The following NALF1 variants were observed in gnomAD, a reference collection of about 807,000 sequenced individuals.
The protein encoded by NALF1 is family with sequence similarity 155 member A.
NALF1 carries 3 observed loss-of-function variants against 48.4 expected under a neutral mutation model. That is an observed-to-expected ratio of 0.06 (90% confidence interval 0.03 to 0.16). The LOEUF (loss-of-function observed/expected upper bound fraction) is 0.16. Among genes scored for constraint, NALF1 ranks in the 10% least tolerant of loss-of-function variants. NALF1 has a pLI of 1.00. For synonymous variants in NALF1, 262 were observed against 245.7 expected (o/e 1.07, Z -0.62); for missense variants, 526 against 571.5 (o/e 0.92, Z 0.81).
intron 1 of NALF1, among the ~76,000 whole-genome samples, chr13:107,794,900 C>T (rs2138590627): frequency 6.6e-6 from 1 of 152,178 alleles, no homozygotes; most frequent in Non-Finnish European, 1.5e-5. Flanking sequence ...AAATATTTTT[C>T]TGAACAAGTT....
At chr13:107,747,613 C>T (rs547767714) in intron 1 of NALF1, among the ~76,000 whole-genome samples, 1 of 152,252 alleles carries the variant, frequency 6.6e-6, no homozygotes, top group African/African-American at 2.4e-5. Context: ...AATCATATGG[C>T]CACACTCGAT....
chr13:107,372,068 G>A (rs867990229), intron 1 of NALF1, among the ~76,000 whole-genome samples: 2 of 151,952 alleles, frequency 1.3e-5, no homozygotes, highest in African/African-American at 4.8e-5. Context: ...GCCTTGGAGC[G>A]CAGCAAGATG....
intron 1 of NALF1, among the ~76,000 whole-genome samples, chr13:107,851,649 G>C (rs1880316553): frequency 6.6e-6 from 1 of 152,040 alleles, no homozygotes; most frequent in Admixed American, 6.6e-5. Context: ...GGTTGAAATT[G>C]CTGCACTGTC....
At chr13:107,516,109 G>C (rs1438509797) in intron 1 of NALF1, among the ~76,000 whole-genome samples, 1 of 152,214 alleles carries the variant, frequency 6.6e-6, no homozygotes. Flanking sequence ...ATATTAACTG[G>C]AAAGGTTGAA....
chr13:107,520,193 A>G (rs1876191355), intron 1 of NALF1, among the ~76,000 whole-genome samples: 1 of 152,160 alleles, frequency 6.6e-6, no homozygotes, highest in African/African-American at 2.4e-5. Context: ...TGTTTTCTAT[A>G]TGTATAAGAA....
At chr13:107,695,917 G>A (rs1338129955) in intron 1 of NALF1, among the ~76,000 whole-genome samples, 3 of 146,420 alleles carry the variant, frequency 2.0e-5, no homozygotes, top group South Asian at 2.1e-4. Flanking sequence ...TTTTTCCTGA[G>A]ATGGAGTCTC....
intron 1 of NALF1, among the ~76,000 whole-genome samples, chr13:107,340,260 C>A (rs908681987): frequency 6.6e-6 from 1 of 151,720 alleles, no homozygotes; most frequent in African/African-American, 2.4e-5. Context: ...CCTGCCTCAG[C>A]CTCCCGAGTA....
chr13:107,533,101 A>G (rs1876692766), intron 1 of NALF1, among the ~76,000 whole-genome samples: 1 of 152,136 alleles, frequency 6.6e-6, no homozygotes, highest in Admixed American at 6.6e-5. Flanking sequence ...TTCTACTAAA[A>G]TTAATATCCC....
At chr13:107,619,461 A>G (rs1879467408) in intron 1 of NALF1, among the ~76,000 whole-genome samples, 1 of 152,164 alleles carries the variant, frequency 6.6e-6, no homozygotes, top group South Asian at 2.1e-4. Context: ...AGCCCCATGG[A>G]ACCCTGGTAA....
intron 1 of NALF1, among the ~76,000 whole-genome samples, chr13:107,280,575 A>T (rs1881367181): frequency 6.6e-6 from 1 of 152,140 alleles, no homozygotes; most frequent in Admixed American, 6.5e-5. Context: ...CCACACTATA[A>T]TCTAGAGTCT....
At chr13:107,231,297 A>G (rs1479239843) in intron 1 of NALF1, among the ~76,000 whole-genome samples, 1 of 152,166 alleles carries the variant, frequency 6.6e-6, no homozygotes, top group East Asian at 1.9e-4. Flanking sequence ...GTATTTCCTC[A>G]GTTATTTGCA....
chr13:107,312,337 C>T (rs932717413), intron 1 of NALF1, among the ~76,000 whole-genome samples: 18 of 152,046 alleles, frequency 1.2e-4, no homozygotes, highest in African/African-American at 4.3e-4. Context: ...AAACCAAACA[C>T]TGCATGTTCT....
At chr13:107,200,631 G>C (rs188412686) in intron 2 of NALF1, among the ~76,000 whole-genome samples, 49 of 152,166 alleles carry the variant, frequency 3.2e-4, no homozygotes, top group African/African-American at 1.1e-3. Context: ...ATAACAGATG[G>C]CTAGGAATAA....
At chr13:107,719,008 A>C (rs1294184162) in intron 1 of NALF1, among the ~76,000 whole-genome samples, 1 of 152,238 alleles carries the variant, frequency 6.6e-6, no homozygotes, top group Non-Finnish European at 1.5e-5. Context: ...CAAATTCTTC[A>C]TCTAAATAGA....
chr13:107,499,182 T>C lies in NALF1; in HGVS notation c.916-288427A>G, dbSNP rs148551014. On this transcript the variant is annotated intron_variant, in intron 1 of 2. Coordinates refer to ENST00000375915, the MANE Select transcript of NALF1 (RefSeq NM_001080396.3). ...AAGTTAAAAAAAAAACACATACCTA[T>C]GATCACCTTATAAAATTTATTAATA... 3.5e-4 allele frequency among the ~76,000 whole-genome samples: 54 copies of C among 152,238 alleles called. No individual in the cohort carries two copies. The East Asian group carries it at 6.7e-3, about 19-fold the overall frequency.
At chr13:107,569,853 A>G (rs1352524254) in intron 1 of NALF1, among the ~76,000 whole-genome samples, 4 of 152,194 alleles carry the variant, frequency 2.6e-5, no homozygotes, top group Non-Finnish European at 4.4e-5. Flanking sequence ...CCATTAGTAT[A>G]TTAGTCTTCC....
At chr13:107,565,467 A>G (rs1175040534) in intron 1 of NALF1, among the ~76,000 whole-genome samples, 1 of 152,128 alleles carries the variant, frequency 6.6e-6, no homozygotes, top group Non-Finnish European at 1.5e-5. Context: ...GCCCAAAAGA[A>G]AGCAATGTTC....
intron 1 of NALF1, among the ~76,000 whole-genome samples, chr13:107,560,077 G>C (rs1042705943): frequency 6.6e-5 from 10 of 152,122 alleles, no homozygotes; most frequent in African/African-American, 2.4e-4. Context: ...AAATCACCAA[G>C]TTTTTTGGGA....
chr13:107,834,686 CTGT>C (rs1879838950), intron 1 of NALF1, among the ~76,000 whole-genome samples: 1 of 152,176 alleles, frequency 6.6e-6, no homozygotes, highest in Non-Finnish European at 1.5e-5. Context: ...TTCATATTCC[CTGT>C]TTAGATGATA....
Sources: allele counts gnomAD v4.1 joint callset (sites outside exome capture counted in the v4.1 genomes callset), GRCh38; gene constraint gnomAD v4.1.1; transcripts MANE v1.5; gene names NCBI Gene and HGNC (gene_info 2026-07-23, HGNC 2026-07-21).